Variants in MYO5B observed in about 807,000 individuals in gnomAD.
MYO5B encodes unconventional myosin-Vb.
In MYO5B, 143 loss-of-function variants were observed where a neutral mutation model predicts 229.3. That is an observed-to-expected ratio of 0.62 (90% CI 0.54 to 0.72). The LOEUF (loss-of-function observed/expected upper bound fraction) is 0.72. Ranked by LOEUF, MYO5B falls within the 30% of genes least tolerant of loss-of-function variation. The pLI is 0.00. For synonymous variants in MYO5B, 918 were observed against 885.2 expected, an observed-to-expected ratio of 1.04 and a Z score of -0.66; for missense variants, 2,321 against 2,331.0, an observed-to-expected ratio of 1.00 and a Z score of 0.09.
At chr18:49,882,577 G>C (rs1228614703) in intron 22 of MYO5B, among the ~76,000 whole-genome samples, 1 of 138,536 alleles carries the variant, frequency 7.2e-6, no homozygotes, top group Non-Finnish European at 1.5e-5. Context: ...GCAGCGAGCT[G>C]AGATCGTGCC....
intron 14 of MYO5B, among the ~76,000 whole-genome samples, chr18:49,944,846 A>T (rs2025353670): frequency 6.6e-6 from 1 of 151,890 alleles, no homozygotes; most frequent in Admixed American, 6.6e-5. Flanking sequence ...ACAGACAGAC[A>T]CCGCCTTCCA....
intron 1 of MYO5B, among the ~76,000 whole-genome samples, chr18:50,088,076 T>C (rs148437577): frequency 5.9e-5 from 9 of 152,254 alleles, no homozygotes; most frequent in Admixed American, 3.9e-4. Flanking sequence ...ACAGAATTCA[T>C]AGACCAGGGA....
intron 1 of MYO5B, among the ~76,000 whole-genome samples, chr18:50,104,417 A>T (rs1458322808): frequency 6.6e-6 from 1 of 151,932 alleles, no homozygotes; most frequent in African/African-American, 2.4e-5. Context: ...GAAATATCTG[A>T]TCATCTATTT....
intron 1 of MYO5B, among the ~76,000 whole-genome samples, chr18:50,058,068 A>T (rs2030595674): frequency 6.6e-6 from 1 of 152,256 alleles, no homozygotes; most frequent in South Asian, 2.1e-4. Flanking sequence ...GAAAAAAATC[A>T]CATGAAAGTC....
chr18:50,145,303 C>A (rs1162603488), intron 1 of MYO5B, among the ~76,000 whole-genome samples: 1 of 151,836 alleles, frequency 6.6e-6, no homozygotes, highest in African/African-American at 2.4e-5. Context: ...CTGGCTAACA[C>A]AGTGAAACCC....
At chr18:49,997,371 T>C (rs1484303010) in intron 5 of MYO5B, among the ~76,000 whole-genome samples, 5 of 5,234 alleles carry the variant, frequency 9.6e-4, no homozygotes, top group African/African-American at 1.7e-3. Flanking sequence ...CTTTCTTTCT[T>C]TTTTTTTTTT....
At chr18:50,060,090 CCAGA>C (rs1455408031) in intron 1 of MYO5B, among the ~76,000 whole-genome samples, 3 of 152,050 alleles carry the variant, frequency 2.0e-5, no homozygotes, top group Non-Finnish European at 4.4e-5. Flanking sequence ...GTTTTGGTAA[CCAGA>C]CAGAGATGGT....
chr18:49,888,558 G>T (rs369939438), intron 22 of MYO5B, among the ~76,000 whole-genome samples: 1 of 152,180 alleles, frequency 6.6e-6, no homozygotes, highest in South Asian at 2.1e-4. Context: ...TTGCCAAAAC[G>T]TGTGGTTGCA....
rs1455274093 is a variant in MYO5B at position 49,859,987 on chromosome 18, G to A, written c.3945-3097C>T. 4.6e-5 allele frequency among the ~76,000 whole-genome samples: 7 copies of A among 152,144 alleles called. No homozygotes were observed. In the South Asian group the frequency reaches 1.5e-3, roughly 32 times the overall value. On this transcript the variant is annotated intron_variant, in intron 29 of 39. Transcript: ENST00000285039. ...AGGCCCCTGGTGTGTGTATTGGCGG[G>A]GGGCGGCGGGTGTGAATAATAACCC...
chr18:50,075,270 A>G (rs966434018), intron 1 of MYO5B, among the ~76,000 whole-genome samples: 1 of 152,096 alleles, frequency 6.6e-6, no homozygotes, highest in Non-Finnish European at 1.5e-5. Context: ...GGAAGACTGG[A>G]GAGACTTCAC....
At chr18:49,927,749 A>G (rs1212091943) in intron 17 of MYO5B, among the ~76,000 whole-genome samples, 4 of 152,264 alleles carry the variant, frequency 2.6e-5, no homozygotes, top group African/African-American at 7.2e-5. Context: ...TCAACTCAAG[A>G]TGGATCAAAG....
chr18:50,125,889 G>T (rs1210396713), intron 1 of MYO5B, among the ~76,000 whole-genome samples: 1 of 152,170 alleles, frequency 6.6e-6, no homozygotes, highest in Non-Finnish European at 1.5e-5. Flanking sequence ...TATGCTAAGA[G>T]AAATAAGCCA....
chr18:49,839,560 C>T (rs73436349), intron 35 of MYO5B, among the ~76,000 whole-genome samples: 1,733 of 152,352 alleles, frequency 0.011, 31 homozygotes, highest in African/African-American at 0.037. Context: ...GATTTCCCTA[C>T]GGTAGCAAAA....
chr18:49,989,409 G>A (rs115710052), intron 7 of MYO5B, among the ~76,000 whole-genome samples: 2,272 of 152,122 alleles, frequency 0.015, 54 homozygotes, highest in African/African-American at 0.052. Flanking sequence ...TTAGACACCC[G>A]GATCTTCATA....
rs78745761 is a variant in MYO5B, at chr18:49,948,659, A to G, written c.1752+4601T>C. On this transcript the variant is annotated intron_variant, in intron 14 of 39. Coordinates refer to ENST00000285039, the MANE Select transcript of MYO5B (RefSeq NM_001080467.3). ...CATAAGATTTTTAAAAAGCAAACTTATTTGGTCAAAACAAGGTGTGTGTAT... is the reference window on the plus strand; with the variant it reads ...CATAAGATTTTTAAAAAGCAAACTTGTTTGGTCAAAACAAGGTGTGTGTAT... Among the ~76,000 whole-genome samples the G allele has an allele frequency of 3.9e-3, 589 of 152,366 alleles. 6 individuals are homozygous for G. Among genetic ancestry groups the G allele is most frequent in the African/African-American group, 0.014 (571 of 41,588 alleles).
At chr18:50,086,384 A>G (rs765722214) in intron 1 of MYO5B, among the ~76,000 whole-genome samples, 1 of 152,176 alleles carries the variant, frequency 6.6e-6, no homozygotes, top group African/African-American at 2.4e-5. Flanking sequence ...AAATGGTAGC[A>G]TATACTACGT....
At chr18:50,147,750 C>T (rs2032528339) in intron 1 of MYO5B, among the ~76,000 whole-genome samples, 1 of 152,166 alleles carries the variant, frequency 6.6e-6, no homozygotes, top group Non-Finnish European at 1.5e-5. Flanking sequence ...CCTACTCTAT[C>T]CCTCATCTCT....
At position 49,904,770 on chromosome 18, in the gene MYO5B, T is replaced by A; in HGVS notation, c.2473A>T (p.Met825Leu). The A allele has an allele frequency of 1.9e-6, 3 of 1,614,006 alleles. No individual in the cohort carries two copies. Among genetic ancestry groups the A allele is most frequent in the Non-Finnish European group, 2.5e-6 (3 of 1,180,038 alleles). The change falls in exon 20 of 40, where the codon ATG (methionine) becomes TTG (leucine). Residue 825 changes from methionine to leucine, a missense_variant. Physicochemically the swap from Met to Leu is conservative, Grantham distance 15. Around this residue, in one of 2 missense-constraint regions of MYO5B, gnomAD observed 2,113 missense variants for 2,044.7 expected, o/e 1.03. Transcript: ENST00000285039. ...AAVVLQKHYR[M>L]QRARQAYQRV... ...TGGTAGGCCTGGCGGGCCCTCTGCA[T>A]GCGGTAATGTTTCTGGAGCACCACA...
chr18:49,974,037 A>G (rs918428546), intron 10 of MYO5B, among the ~76,000 whole-genome samples: 4 of 152,182 alleles, frequency 2.6e-5, no homozygotes, highest in Non-Finnish European at 5.9e-5. Flanking sequence ...TGGGCAGGTC[A>G]TTTCCCTCTC....
Sources: gnomAD v4.1 joint callset for allele counts (sites outside exome capture counted in the v4.1 genomes callset) on GRCh38, gnomAD v4.1.1 for gene constraint, gnomAD v4.1.1 regional missense constraint, MANE v1.5 for transcripts, NCBI Gene and HGNC (gene_info 2026-07-23, HGNC 2026-07-21) for gene names.